The following TMEM52B variants were observed in gnomAD, a reference collection of about 807,000 sequenced individuals.
TMEM52B encodes the protein transmembrane protein 52B.
In TMEM52B, 11 loss-of-function variants were observed where a neutral mutation model predicts 16.1. The ratio of observed to expected loss-of-function variants is 0.68; its 90% CI spans 0.43 to 1.13. The LOEUF (loss-of-function observed/expected upper bound fraction) is 1.13. Among genes scored for constraint, TMEM52B ranks in the 50% most tolerant of loss-of-function variants. The probability of loss-of-function intolerance (pLI) is 0.00; values close to 1 mark genes in which losing one functional copy is unlikely to be tolerated. For synonymous variants in TMEM52B, 101 were observed against 93.8 expected (o/e 1.08, Z -0.45); for missense variants, 243 against 230.4 (o/e 1.05, Z -0.35).
At chr12:10,172,047 C>A in intron 1 of TMEM52B, 2 of 1,613,848 alleles carry the variant, frequency 1.2e-6, no homozygotes, top group Non-Finnish European at 1.7e-6. Flanking sequence ...TGGTCCTTCA[C>A]AGTCTGGATC....
Position 10,182,202 on chromosome 12 carries a change from G to A in TMEM52B, c.55-348G>A, listed in dbSNP as rs576310443. The stretch of plus-strand genomic sequence containing the variant: ...AGAGCAGTGGTGTAGAATTCAACTG[G>A]GCAGGAATTAGGAGGACAATGGCAA... On this transcript the variant is annotated intron_variant, in intron 1 of 4. Transcript: ENST00000543484. 2.1e-5 allele frequency: 21 copies of A among 984,952 alleles called. No homozygotes were observed. The South Asian group carries it at 8.9e-4, about 42-fold the overall frequency. The allele number at this position is 984,952 out of a possible 1,614,324, so 61.0% of individuals were successfully genotyped here.
upstream of TMEM52B, among the ~76,000 whole-genome samples, chr12:10,176,698 C>CA (rs1395354962): frequency 6.6e-6 from 1 of 152,022 alleles, no homozygotes; most frequent in Non-Finnish European, 1.5e-5. Flanking sequence ...TTAGCAAACA[C>CA]AAAAAATATC....
chr12:10,187,205 G>T (rs900059320), intron 4 of TMEM52B, among the ~76,000 whole-genome samples: 6 of 142,838 alleles, frequency 4.2e-5, no homozygotes, highest in Non-Finnish European at 7.5e-5. Context: ...CCGGGTTCAA[G>T]TAGTTCTCTC....
In TMEM52B at chr12:10,179,289, G is replaced by A. The variant is rs1490163017; in HGVS notation, c.-286G>A. On this transcript the variant is annotated 5_prime_UTR_variant, in exon 1 of 5. In the 5' UTR this introduces an upstream ATG that the reference lacks. Transcript: ENST00000543484. ...CTTCAAGATGTAGAAAGAATTAATA[G>A]TGTAACGGAAAGAAAGAAGGCAAAA... is the stretch of plus-strand genomic sequence containing the variant. 1 of 426,420 alleles carries A rather than the reference G, an allele frequency of 2.3e-6. No individual in the cohort carries two copies. The highest frequency in any genetic ancestry group is 3.5e-5 in the Admixed American group (1 of 28,422). The allele number at this position is 426,420 out of a possible 1,614,324, so 26.4% of individuals were successfully genotyped here.
chr12:10,188,508 G>A (rs1948909242), intron 4 of TMEM52B, among the ~76,000 whole-genome samples: 1 of 104,488 alleles, frequency 9.6e-6, no homozygotes, highest in East Asian at 3.3e-4. Context: ...AAGGAAGGAA[G>A]GAAGGAAGGA....
chr12:10,186,516 T>C lies in TMEM52B; in HGVS notation c.234T>C (p.Asp78=). Residue 78 remains aspartate, a synonymous_variant, in exon 4 of 5, where the codon GAT becomes GAC. Transcript: ENST00000543484. ...TGAGCCGCCAGCAAAATGGGGAAGA[T>C]GGGGGCCCACCACCCTGTGAAGTGA... is the stretch of plus-strand genomic sequence containing the variant. ...CCLSRQQNGE[D]GGPPPCEVTV... is the part of the protein sequence containing the mutation. 6.2e-7 allele frequency: 1 copy of C among 1,610,314 alleles called. No homozygotes were observed. The highest frequency in any genetic ancestry group is 1.1e-5 in the South Asian group (1 of 90,782).
chr12:10,174,109 G>A (rs1948748706), upstream of TMEM52B, among the ~76,000 whole-genome samples: 1 of 152,146 alleles, frequency 6.6e-6, no homozygotes, highest in African/African-American at 2.4e-5. Context: ...TACCCAGGGT[G>A]GATTGCAATG....
intron 1 of TMEM52B, among the ~76,000 whole-genome samples, chr12:10,171,536 C>G (rs1948717472): frequency 6.6e-6 from 1 of 152,180 alleles, no homozygotes; most frequent in Admixed American, 6.5e-5. Flanking sequence ...AGGACTCTTA[C>G]AGAAATTATC....
chr12:10,179,651 A>G lies in TMEM52B; in HGVS notation c.54+23A>G, dbSNP rs200540456. The G allele has an allele frequency of 6.3e-5, 101 of 1,614,020 alleles. 1 individual carries two copies. In the Admixed American group the frequency reaches 6.8e-4, roughly 11 times the overall value. On this transcript the variant is annotated intron_variant, in intron 1 of 4. Transcript: ENST00000543484. ...CTGGTGAGTTCAGTGGTGAAAAGGC[A>G]GAAAGAGTATTTTTCCCCAGATTAA...
Position 10,189,964 on chromosome 12 carries a change from G to C in TMEM52B, c.376G>C (p.Gly126Arg), listed in dbSNP as rs748721726. The change falls in exon 5 of 5, where the codon GGC becomes CGC. Residue 126 changes from glycine (G) to arginine (R), a missense_variant. Gly to Arg is a moderately radical substitution (Grantham distance 125). Transcript: ENST00000543484. ...TGTGGCTCACTCCCACAGCTCCCTG[G>C]GCCAGCTGCCCTCCTCTTTGGACAC... The part of the protein sequence containing the change: ...LAVAHSHSSL[G>R]QLPSSLDTLP... The C allele has an allele frequency of 1.9e-6, 3 of 1,613,986 alleles. No individual in the cohort carries two copies.
chr12:10,179,603 C>T lies in TMEM52B; in HGVS notation c.29C>T (p.Ala10Val). The change falls in exon 1 of 5, where the codon GCC (alanine) becomes GTC (valine). Residue 10 changes from alanine (A) to valine (V), a missense_variant. Physicochemically the swap from Ala to Val is moderately conservative, Grantham distance 64. Coordinates refer to ENST00000543484, the MANE Select transcript of TMEM52B (RefSeq NM_001384896.1). MGVRVHVVA[A>V]SALLYFILLS... ...GGAGTCCGAGTTCATGTCGTGGCGG[C>T]CTCAGCCCTGCTGTATTTCATCCTG... The T allele has an allele frequency of 1.2e-6, 2 of 1,614,180 alleles. No individual in the cohort carries two copies. Among genetic ancestry groups the T allele is most frequent in the East Asian group, 2.2e-5 (1 of 44,880 alleles).
At chr12:10,175,208 T>C (rs564292735), upstream of TMEM52B, 3 of 152,314 alleles carry the variant, frequency 2.0e-5, no homozygotes, top group African/African-American at 7.2e-5. Context: ...CTACGTGTGC[T>C]TATGTAAGGT....
At chr12:10,188,528 GGAAGGAAGGAAAAGAAGAAA>G in intron 4 of TMEM52B, among the ~76,000 whole-genome samples, 8 of 98,980 alleles carry the variant, frequency 8.1e-5, no homozygotes, top group Non-Finnish European at 1.1e-4. Flanking sequence ...AAGGAAGGAA[GGAAGGAAGGAAAAGAAGAAA>G]AAGAAAAAGA....
Position 10,179,595 on chromosome 12 carries a change from C to T in TMEM52B, c.21C>T (p.Val7=), listed in dbSNP as rs535551759. 8.7e-6 allele frequency: 14 copies of T among 1,614,172 alleles called. No homozygotes were observed. Among genetic ancestry groups the T allele is most frequent in the South Asian group, 4.4e-5 (4 of 91,080 alleles). Residue 7 remains valine (V), a synonymous_variant, in exon 1 of 5, where the codon GTC becomes GTT. Transcript: ENST00000543484. ...GCCCGATGGGAGTCCGAGTTCATGTCGTGGCGGCCTCAGCCCTGCTGTATT... is the reference window on the plus strand; with the variant it reads ...GCCCGATGGGAGTCCGAGTTCATGTTGTGGCGGCCTCAGCCCTGCTGTATT... The part of the protein sequence containing the change: MGVRVH[V]VAASALLYFI...
intron 2 of TMEM52B, 83 bp from the exon 3 acceptor site, chr12:10,185,247 T>C (rs939650654): frequency 1.0e-6 from 1 of 953,424 alleles, no homozygotes; most frequent in Admixed American, 1.8e-5. Flanking sequence ...TCACATCATA[T>C]TGTAACTCAT....
chr12:10,178,712 T>C (rs539104318), upstream of TMEM52B, among the ~76,000 whole-genome samples: 3 of 152,234 alleles, frequency 2.0e-5, no homozygotes, highest in South Asian at 6.2e-4. Flanking sequence ...AAGAAACCTA[T>C]ACATTTGCTT....
At chr12:10,174,222 G>A (rs1356050813), upstream of TMEM52B, among the ~76,000 whole-genome samples, 2 of 151,920 alleles carry the variant, frequency 1.3e-5, no homozygotes, top group African/African-American at 2.4e-5. Flanking sequence ...CACCCCTCCC[G>A]GCTAATTGTT....
chr12:10,186,113 C>T (rs1198567025), intron 3 of TMEM52B, among the ~76,000 whole-genome samples: 1 of 151,898 alleles, frequency 6.6e-6, no homozygotes, highest in African/African-American at 2.4e-5. Context: ...TGAGATCGTG[C>T]CACTTCACTC....
upstream of TMEM52B, among the ~76,000 whole-genome samples, chr12:10,174,467 G>T (rs1948751662): frequency 1.3e-5 from 2 of 152,104 alleles, 1 homozygote; most frequent in South Asian, 4.1e-4. Flanking sequence ...CATAATGTAG[G>T]TGGGCCTCAT....
Sources: allele counts gnomAD v4.1 joint callset (sites outside exome capture counted in the v4.1 genomes callset), GRCh38; gene constraint gnomAD v4.1.1; transcripts MANE v1.5; gene names NCBI Gene and HGNC (gene_info 2026-07-23, HGNC 2026-07-21).